The following ALPK3 variants were observed in gnomAD, a reference collection of about 807,000 sequenced individuals.
ALPK3 encodes alpha kinase 3.
Under a neutral mutation model 140.0 loss-of-function variants are expected in ALPK3, and 102 were observed. The observed-to-expected ratio is 0.73, with a 90% confidence interval of 0.62 to 0.86. The LOEUF is 0.86. ALPK3 is among the 40% of genes least tolerant of loss of function. ALPK3 has a pLI of 0.00. For synonymous variants in ALPK3, 938 were observed against 898.5 expected (o/e 1.04, Z -0.79); for missense variants, 2,254 against 2,208.2 (o/e 1.02, Z -0.42).
At chr15:84,851,635 T>G in intron 5 of ALPK3, among the ~76,000 whole-genome samples, 1 of 152,316 alleles carries the variant, frequency 6.6e-6, no homozygotes, top group East Asian at 1.9e-4. Flanking sequence ...CGTGTGTGTG[T>G]GTCTGTGTAT....
At chr15:84,854,945 A>G (rs1440172607) in intron 5 of ALPK3, among the ~76,000 whole-genome samples, 2 of 150,998 alleles carry the variant, frequency 1.3e-5, no homozygotes, top group East Asian at 1.9e-4. Flanking sequence ...TGTTTTCTCA[A>G]TCATCTTTTG....
rs915749059 is a variant in ALPK3, at chr15:84,856,302, G to A, written c.1654-90G>A. ...CAAGATTCCCATCAGAGCAGTTGTA[G>A]ATGAGGTCCGAGGAGACTGGGATGC... is the stretch of plus-strand genomic sequence containing the variant. On this transcript the variant is annotated intron_variant, in intron 5 of 13. Coordinates refer to ENST00000258888, the MANE Select transcript of ALPK3 (RefSeq NM_020778.5). The A allele has an allele frequency of 2.0e-6, 3 of 1,510,132 alleles. No homozygotes were observed. The African/African-American group carries it at 4.2e-5, about 21-fold the overall frequency. The allele number at this position is 1,510,132 out of a possible 1,614,324, so 93.5% of individuals were successfully genotyped here.
intron 5 of ALPK3, among the ~76,000 whole-genome samples, chr15:84,852,861 G>A (rs1803838532): frequency 1.3e-5 from 2 of 152,216 alleles, no homozygotes; most frequent in African/African-American, 4.8e-5. Flanking sequence ...AGGTCATTTG[G>A]GCTGCAGTGA....
At chr15:84,863,730 T>TAACGCAGGATGCC in intron 11 of ALPK3, 90 bp downstream of exon 11, 3 of 1,272,574 alleles carry the variant, frequency 2.4e-6, no homozygotes, top group Non-Finnish European at 2.2e-6. Context: ...CCCAGGGGCA[T>TAACGCAGGATGCC]CCTGCGTTAT....
chr15:84,838,638 T>TTA lies in ALPK3; in HGVS notation c.305-341_305-340insAT, dbSNP rs145586317. Among the ~76,000 whole-genome samples the TTA allele has an allele frequency of 0.19, 26,641 of 139,218 alleles. 2,934 individuals are homozygous for TTA. The highest frequency in any genetic ancestry group is 0.33 in the Middle Eastern group (92 of 278). 91.3% of individuals were successfully genotyped at this position (139,218 alleles called of 152,430 possible). A position where few individuals can be genotyped will look rare whatever the true frequency, so the allele number is the denominator to read the frequency against. On this transcript the variant is annotated intron_variant, in intron 3 of 13. Coordinates refer to ENST00000258888, the MANE Select transcript of ALPK3 (RefSeq NM_020778.5). ...ATTATTATTATTATTATTATTATTATTGAGATGGAGTCTCACTATCGCCTA... is the reference window on the plus strand; with the variant it reads ...ATTATTATTATTATTATTATTATTATTATGAGATGGAGTCTCACTATCGCCTA...
chr15:84,859,107 G>C, intron 6 of ALPK3, 136 bp from the exon 7 acceptor site: 1 of 1,203,202 alleles, frequency 8.3e-7, no homozygotes, highest in Non-Finnish European at 1.2e-6. Context: ...AGGCACCGGG[G>C]GGCTGTGAGT....
intron 5 of ALPK3, among the ~76,000 whole-genome samples, chr15:84,850,891 C>CACACACACACACAG (rs1297862597): frequency 1.3e-5 from 2 of 151,606 alleles, no homozygotes; most frequent in Non-Finnish European, 1.5e-5. Flanking sequence ...CACACACACA[C>CACACACACACACAG]ACACACACAC....
chr15:84,830,411 C>T (rs1252665788), intron 3 of ALPK3, among the ~76,000 whole-genome samples: 12 of 152,174 alleles, frequency 7.9e-5, no homozygotes, highest in Admixed American at 7.9e-4. Context: ...CCAGTGGTTT[C>T]ATCAGGTCCT....
At chr15:84,820,605 C>T (rs868254629) in intron 1 of ALPK3, among the ~76,000 whole-genome samples, 3 of 152,018 alleles carry the variant, frequency 2.0e-5, no homozygotes, top group Non-Finnish European at 4.4e-5. Context: ...CTCAACCTCC[C>T]GAGTAGTCTG....
intron 9 of ALPK3, among the ~76,000 whole-genome samples, chr15:84,861,231 T>C (rs2141571679): frequency 6.6e-6 from 1 of 152,354 alleles, no homozygotes; most frequent in East Asian, 1.9e-4. Context: ...TCCTTTGCCA[T>C]ATGTTTGTTA....
rs534348232 is a variant in ALPK3, at chr15:84,852,061, C to A, written c.1654-4331C>A. Among the ~76,000 whole-genome samples the A allele has an allele frequency of 2.0e-5, 3 of 152,224 alleles. No homozygotes were observed. In the South Asian group the frequency reaches 6.2e-4, roughly 32 times the overall value. On this transcript the variant is annotated intron_variant, in intron 5 of 13. Transcript: ENST00000258888. The stretch of plus-strand genomic sequence containing the variant: ...GCCTGACACTGCAGATAGTACCAAA[C>A]CCTATATATATTGTGTTTTGTCCTA...
intron 9 of ALPK3, 109 bp from the exon 10 acceptor site, chr15:84,862,526 C>T (rs1963958727): frequency 1.5e-6 from 2 of 1,368,516 alleles, no homozygotes; most frequent in African/African-American, 1.5e-5. Context: ...AAAGTGAGCC[C>T]AGCAGGTTGG....
intron 3 of ALPK3, among the ~76,000 whole-genome samples, chr15:84,827,814 T>C (rs1457143339): frequency 6.6e-6 from 1 of 152,248 alleles, no homozygotes; most frequent in Non-Finnish European, 1.5e-5. Context: ...ATATATACCC[T>C]ACTCTTCTTC....
At chr15:84,848,077 A>T in intron 5 of ALPK3, among the ~76,000 whole-genome samples, 1 of 151,230 alleles carries the variant, frequency 6.6e-6, no homozygotes. Flanking sequence ...AAAAAAAATA[A>T]AAAGAAAAAG....
chr15:84,837,342 TG>T (rs1172102274), intron 3 of ALPK3, among the ~76,000 whole-genome samples: 1 of 152,214 alleles, frequency 6.6e-6, no homozygotes, highest in Non-Finnish European at 1.5e-5. Context: ...GAAATGTCCT[TG>T]ATTAGGCACG....
rs755667238 is a variant in ALPK3, at chr15:84,856,719, A to C, written c.1981A>C (p.Met661Leu). The C allele has an allele frequency of 6.2e-7, 1 of 1,614,156 alleles. No individual in the cohort carries two copies. The highest frequency in any genetic ancestry group is 2.2e-5 in the East Asian group (1 of 44,874). The change falls in exon 6 of 14, where the codon ATG becomes CTG. Residue 661 changes from methionine (M) to leucine (L), a missense_variant. Met to Leu is a conservative substitution (Grantham distance 15). Around this residue, in one of 3 missense-constraint regions of ALPK3, gnomAD observed 2,088 missense variants for 2,022.9 expected, o/e 1.03. Coordinates refer to ENST00000258888, the MANE Select transcript of ALPK3 (RefSeq NM_020778.5). ...GTCAGACAGGAGTGCACAGAAGGGCATGATGACACAGGGAAGGGCAGAGAC... is the reference window on the plus strand; with the variant it reads ...GTCAGACAGGAGTGCACAGAAGGGCCTGATGACACAGGGAAGGGCAGAGAC... Reference protein sequence around the residue: ...PQSDRSAQKGMMTQGRAETQL... With the variant: ...PQSDRSAQKGLMTQGRAETQL...
chr15:84,833,614 T>A (rs1225157583), intron 3 of ALPK3, among the ~76,000 whole-genome samples: 1 of 152,158 alleles, frequency 6.6e-6, no homozygotes, highest in Non-Finnish European at 1.5e-5. Flanking sequence ...TAGCATTTCC[T>A]AAACAAGGCT....
At chr15:84,850,474 C>T (rs1963789685) in intron 5 of ALPK3, among the ~76,000 whole-genome samples, 1 of 152,156 alleles carries the variant, frequency 6.6e-6, no homozygotes, top group Non-Finnish European at 1.5e-5. Flanking sequence ...GCCTCGAACT[C>T]CTGGGCTCAA....
chr15:84,868,090 G>T (rs756674416), intron 13 of ALPK3, 21 bp from the exon 14 acceptor site: 1 of 1,597,736 alleles, frequency 6.3e-7, no homozygotes, highest in Non-Finnish European at 8.5e-7. Flanking sequence ...CCCCCACTCA[G>T]CTCTTCCTGT....
Sources: gnomAD v4.1 joint callset for allele counts (sites outside exome capture counted in the v4.1 genomes callset) on GRCh38, gnomAD v4.1.1 for gene constraint, gnomAD v4.1.1 regional missense constraint, MANE v1.5 for transcripts, NCBI Gene and HGNC (gene_info 2026-07-23, HGNC 2026-07-21) for gene names.